TMPRSS3: variants seen among roughly 807,000 people sequenced by gnomAD.
The protein encoded by TMPRSS3 is transmembrane protease serine 3.
A neutral mutation model predicts 59.6 loss-of-function variants in TMPRSS3; 55 were observed. That is an observed-to-expected ratio of 0.92 (90% confidence interval 0.74 to 1.16). TMPRSS3 has a LOEUF of 1.16. TMPRSS3 is among the 50% of genes most tolerant of loss of function. The pLI, the probability that TMPRSS3 is intolerant of heterozygous loss-of-function variation, is 0.00. For missense variants in TMPRSS3, 596 were observed against 579.4 expected (o/e 1.03, Z -0.29); for synonymous variants, 257 against 237.7 (o/e 1.08, Z -0.75).
At chr21:42,380,019 C>T (rs1278169273) in intron 10 of TMPRSS3, 98 bp downstream of exon 10, 3 of 1,015,450 alleles carry the variant, frequency 3.0e-6, no homozygotes, top group Admixed American at 2.0e-5. Flanking sequence ...ATCTGGGCAG[C>T]CCATGGGAAC....
intron 6 of TMPRSS3, 24 bp from the exon 7 acceptor site, chr21:42,384,037 C>T: frequency 3.1e-6 from 5 of 1,613,372 alleles, no homozygotes; most frequent in South Asian, 2.2e-5. Flanking sequence ...AAAGTAGGCT[C>T]TGTGAAAAAT....
intron 11 of TMPRSS3, among the ~76,000 whole-genome samples, chr21:42,376,157 G>C (rs915201095): frequency 2.0e-5 from 3 of 152,186 alleles, no homozygotes; most frequent in Non-Finnish European, 4.4e-5. Flanking sequence ...GTGAGAGGGA[G>C]GGTCCACCTG....
rs151315833 is a variant in TMPRSS3 at position 42,376,555 on chromosome 21, C to T, written c.1177G>A (p.Val393Met). 28 of 1,613,346 alleles carry T rather than the reference C, an allele frequency of 1.7e-5. No homozygotes were observed. The highest frequency in any genetic ancestry group is 4.0e-5 in the African/African-American group (3 of 74,946). The stretch of plus-strand genomic sequence containing the variant: ...CGGCCCCGTACCTGGCAGCTGTCCA[C>T]GCCACCCGTCAGGTAGCCCGCGCAG... ...MLCAGYLTGG[V>M]DSCQGDSGGP... The change falls in exon 11 of 13, where the codon GTG (valine) becomes ATG (methionine). Residue 393 changes from valine to methionine, a missense_variant. By Grantham distance (21) the Val-to-Met change is conservative. Transcript: ENST00000644384.
chr21:42,389,081 G>C (rs757016727), intron 3 of TMPRSS3, 36 bp from the exon 4 acceptor site: 1 of 1,612,806 alleles, frequency 6.2e-7, no homozygotes, highest in Non-Finnish European at 8.5e-7. Flanking sequence ...TTAACCAACA[G>C]CTCTTTCAGA....
Position 42,372,492 on chromosome 21 carries a change from G to A in TMPRSS3, c.*270C>T, listed in dbSNP as rs538228372. 3.1e-5 allele frequency: 19 copies of A among 615,570 alleles called. No individual in the cohort carries two copies. Among genetic ancestry groups the A allele is most frequent in the Admixed American group, 1.3e-4 (6 of 47,362 alleles). 38.1% of individuals were successfully genotyped at this position (615,570 alleles called of 1,614,324 possible). ...AGAGAATCGCTTGAACCAGGGAAGC[G>A]GAGGCTGCAGTGAGCAGGGATTTCG... is the stretch of plus-strand genomic sequence containing the variant. On this transcript the variant is annotated 3_prime_UTR_variant, in exon 13 of 13. Transcript: ENST00000644384.
Position 42,383,017 on chromosome 21 carries a change from G to T in TMPRSS3, c.782+16C>A, listed in dbSNP as rs1025181987. On this transcript the variant is annotated intron_variant, in intron 8 of 12. Coordinates refer to ENST00000644384, the MANE Select transcript of TMPRSS3 (RefSeq NM_001256317.3). ...GGAGTGAACAGGGGTCTGGGAAGAT[G>T]GTCAGCAGCACTCACTCATAAACAC... The T allele has an allele frequency of 1.2e-6, 2 of 1,613,736 alleles. No individual in the cohort carries two copies. Among genetic ancestry groups the T allele is most frequent in the Middle Eastern group, 3.3e-4 (2 of 6,062 alleles).
At chr21:42,382,680 G>A (rs186540613) in intron 8 of TMPRSS3, 27 of 415,114 alleles carry the variant, frequency 6.5e-5, no homozygotes, top group East Asian at 1.5e-4. Context: ...CTAGCCTCCC[G>A]CACCACCGTC....
rs397517373 is a variant in TMPRSS3 at position 42,388,979 on chromosome 21, C to A, written c.272G>T (p.Arg91Leu). Residue 91 changes from arginine (R) to leucine (L), a missense_variant, in exon 4 of 13, where the codon CGA becomes CTA. Physicochemically the swap from Arg to Leu is moderately radical, Grantham distance 102 (BLOSUM62 -2). Coordinates refer to ENST00000644384, the MANE Select transcript of TMPRSS3 (RefSeq NM_001256317.3). This position sits in a 1 kb window ranked among gnomAD's most constrained non-coding sequence, Gnocchi z 5.1. Reference sequence around the variant, plus strand: ...TTTGCAATCCGAGACTCCGTCACATCGAGCTATCAGCTCGATACACTTAAA... The same window carrying A: ...TTTGCAATCCGAGACTCCGTCACATAGAGCTATCAGCTCGATACACTTAAA... ...SSFKCIELIARCDGVSDCKDG... is the reference protein window; with the variant it reads ...SSFKCIELIALCDGVSDCKDG... The A allele has an allele frequency of 6.2e-7, 1 of 1,614,208 alleles. No individual in the cohort carries two copies. Among genetic ancestry groups the A allele is most frequent in the Admixed American group, 1.7e-5 (1 of 60,030 alleles).
In TMPRSS3 at chr21:42,383,890, G is replaced by A. The variant is rs772206602; in HGVS notation, c.616+80C>T. ...GGAAGGGATACAGAGCCCCATGGGG[G>A]GAGAGGACTCTGAGGGCAAGGAGAT... On this transcript the variant is annotated intron_variant, in intron 7 of 12. Transcript: ENST00000644384. The A allele has an allele frequency of 3.4e-6, 5 of 1,461,434 alleles. No homozygotes were observed. The South Asian group carries it at 3.4e-5, about 10-fold the overall frequency. The allele number at this position is 1,461,434 out of a possible 1,614,324, so 90.5% of individuals were successfully genotyped here.
rs747580775 is a variant in TMPRSS3, at chr21:42,382,221, T to A, written c.796A>T (p.Lys266Ter). 2.5e-6 allele frequency: 4 copies of A among 1,614,134 alleles called. No individual in the cohort carries two copies. The highest frequency in any genetic ancestry group is 3.4e-6 in the Non-Finnish European group (4 of 1,180,004). ...AGACCCACCTGGATGGTCCATGACT[T>A]GGGGAGGTACAAGCTGAAATGAGAA... is the stretch of plus-strand genomic sequence containing the variant. ...AHCVYDLYLP[K>*]SWTIQVGLVS... Residue 266 changes from lysine (K) to a stop codon, truncating the protein, a stop_gained, in exon 9 of 13, where the codon AAG becomes TAG. Transcript: ENST00000644384. LOFTEE classifies it high-confidence loss of function.
At chr21:42,377,001 G>A (rs1267613804) in intron 10 of TMPRSS3, among the ~76,000 whole-genome samples, 1 of 152,318 alleles carries the variant, frequency 6.6e-6, no homozygotes, top group South Asian at 2.1e-4. Flanking sequence ...CACCTCCCCA[G>A]GGCACCAGCC....
Position 42,388,313 on chromosome 21 carries a change from C to G in TMPRSS3, c.446+90G>C, listed in dbSNP as rs2052668852. 6 of 1,570,900 alleles carry G rather than the reference C, an allele frequency of 3.8e-6. No homozygotes were observed. Among genetic ancestry groups the G allele is most frequent in the South Asian group, 2.2e-5 (2 of 89,892 alleles). On this transcript the variant is annotated intron_variant, in intron 5 of 12. Coordinates refer to ENST00000644384, the MANE Select transcript of TMPRSS3 (RefSeq NM_001256317.3). This position sits in a 1 kb window ranked among gnomAD's most constrained non-coding sequence, Gnocchi z 5.1. ...ATGTAATCTGAGAGCGTTAAAGCAC[C>G]CAATAGTGCCCAACTAAATGGTAGT...
At chr21:42,392,002 T>C (rs745650638) in intron 2 of TMPRSS3, among the ~76,000 whole-genome samples, 2 of 152,028 alleles carry the variant, frequency 1.3e-5, no homozygotes, top group Non-Finnish European at 2.9e-5. Flanking sequence ...ACCTCATCAA[T>C]CCTAAAAATA....
chr21:42,375,408 C>T (rs551175575), intron 12 of TMPRSS3, among the ~76,000 whole-genome samples: 23 of 151,496 alleles, frequency 1.5e-4, no homozygotes. Flanking sequence ...GCACGCCCGA[C>T]CCATCCCCAT....
Position 42,380,209 on chromosome 21 carries a change from A to C in TMPRSS3, c.956T>G (p.Met319Arg). ...KLAGPLTFNE[M>R]IQPVCLPNSE... ...GTTGGGCAGGCACACAGGCTGGATC[A>C]TTTCTGCTTGAAGGGAAACAATAGT... The change falls in exon 10 of 13, where the codon ATG becomes AGG. Residue 319 changes from methionine (M) to arginine (R), a missense_variant. Transcript: ENST00000644384. 6.2e-7 allele frequency: 1 copy of C among 1,613,506 alleles called. No individual in the cohort carries two copies.
intron 7 of TMPRSS3, 138 bp downstream of exon 7, chr21:42,383,832 G>T: frequency 1.2e-6 from 1 of 869,242 alleles, no homozygotes; most frequent in Non-Finnish European, 1.9e-6. Context: ...CCAGCAGGTA[G>T]GGGTACACAG....
chr21:42,373,745 C>T (rs535396684), intron 12 of TMPRSS3, among the ~76,000 whole-genome samples: 13 of 152,308 alleles, frequency 8.5e-5, no homozygotes, highest in African/African-American at 2.6e-4. Flanking sequence ...TCATGCAGGT[C>T]GTCTCCGCTG....
chr21:42,385,370 C>G (rs1458309516), intron 6 of TMPRSS3, 39 bp downstream of exon 6: 1 of 1,612,924 alleles, frequency 6.2e-7, no homozygotes, highest in South Asian at 1.1e-5. Context: ...GCAGGTGACT[C>G]GATACCTGTG....
At chr21:42,381,943 T>G in intron 9 of TMPRSS3, 122 bp downstream of exon 9, 1 of 1,284,496 alleles carries the variant, frequency 7.8e-7, no homozygotes, top group Non-Finnish European at 1.1e-6. Context: ...AATCAGGAGT[T>G]GGAATTATTA....
Sources: allele counts gnomAD v4.1 joint callset (sites outside exome capture counted in the v4.1 genomes callset), GRCh38; gene constraint gnomAD v4.1.1; non-coding constraint Gnocchi (gnomAD v3.1); transcripts MANE v1.5; gene names NCBI Gene and HGNC (gene_info 2026-07-23, HGNC 2026-07-21).